The following GABRG1 variants were observed in gnomAD, a reference collection of about 807,000 sequenced individuals.
GABRG1 encodes gamma-aminobutyric acid type A receptor subunit gamma1, also known as gamma-aminobutyric acid receptor subunit gamma-1.
GABRG1 carries 49 observed loss-of-function variants against 49.8 expected under a neutral mutation model. The observed-to-expected ratio is 0.98, with a 90% CI of 0.78 to 1.25. GABRG1 has a LOEUF of 1.25. Among genes scored for constraint, GABRG1 ranks in the 50% most tolerant of loss-of-function variants. The pLI is 0.00. For synonymous variants in GABRG1, 232 were observed against 185.1 expected, an observed-to-expected ratio of 1.25 and a Z score of -2.06; for missense variants, 552 against 552.3, an observed-to-expected ratio of 1.00 and a Z score of 0.01.
chr4:46,049,307 T>A (rs1718124710), intron 8 of GABRG1, among the ~76,000 whole-genome samples: 1 of 151,852 alleles, frequency 6.6e-6, no homozygotes, highest in South Asian at 2.1e-4. Flanking sequence ...ACATTCTGAT[T>A]TACCTGATTA....
intron 5 of GABRG1, among the ~76,000 whole-genome samples, chr4:46,062,709 GA>G (rs1221563999): frequency 1.3e-5 from 2 of 152,006 alleles, no homozygotes; most frequent in African/African-American, 4.8e-5. Flanking sequence ...ATTCAATTAG[GA>G]AAAGAGGAAG....
chr4:46,065,704 G>A (rs569958963), intron 3 of GABRG1, 120 bp from the exon 4 acceptor site: 4 of 600,316 alleles, frequency 6.7e-6, no homozygotes, highest in African/African-American at 1.9e-5. Context: ...CAGTCTTTTC[G>A]GAGGAAAAAA....
At chr4:46,121,471 A>G (rs1721087931) in intron 1 of GABRG1, among the ~76,000 whole-genome samples, 1 of 151,986 alleles carries the variant, frequency 6.6e-6, no homozygotes, top group Non-Finnish European at 1.5e-5. Flanking sequence ...TTTTTTAGCA[A>G]AAGCATGCTT....
chr4:46,086,530 G>T (rs13123495), intron 2 of GABRG1, among the ~76,000 whole-genome samples: 79,277 of 151,120 alleles, frequency 0.52, 21,117 homozygotes, highest in African/African-American at 0.56. Context: ...ATTAATTTAG[G>T]TCAATTAAAA....
intron 8 of GABRG1, among the ~76,000 whole-genome samples, chr4:46,047,335 G>T (rs1718043570): frequency 6.6e-6 from 1 of 152,084 alleles, no homozygotes; most frequent in South Asian, 2.1e-4. Context: ...TTTCTAATTT[G>T]TTATCTTGAA....
At chr4:46,102,979 G>A (rs1202759752) in intron 1 of GABRG1, among the ~76,000 whole-genome samples, 1 of 151,150 alleles carries the variant, frequency 6.6e-6, no homozygotes, top group African/African-American at 2.4e-5. Context: ...GGTTTGCCAA[G>A]GAAAATCTTG....
chr4:46,102,036 A>T (rs1577665231), intron 1 of GABRG1, among the ~76,000 whole-genome samples: 1 of 151,842 alleles, frequency 6.6e-6, no homozygotes, highest in Admixed American at 6.6e-5. Context: ...AATGAAAAGG[A>T]GTGAATTCGA....
chr4:46,118,902 C>T (rs1721014247), intron 1 of GABRG1, among the ~76,000 whole-genome samples: 1 of 151,280 alleles, frequency 6.6e-6, no homozygotes, highest in Non-Finnish European at 1.5e-5. Context: ...CTATCCATTA[C>T]CATGTTAGAT....
chr4:46,040,251 A>G lies in GABRG1; in HGVS notation c.*737T>C, dbSNP rs1717715333. 6.6e-6 allele frequency: 1 copy of G among 152,118 alleles called. No homozygotes were observed. The highest frequency in any genetic ancestry group is 2.1e-4 in the South Asian group (1 of 4,830). 9.4% of individuals were successfully genotyped at this position (152,118 alleles called of 1,614,324 possible). A position where few individuals can be genotyped will look rare whatever the true frequency, so the allele number is the denominator to read the frequency against. ...TAAATGCTATGAAGCAGAGAATAAAATGGTTAGATTTTACCTGATTTTTTC... is the reference window on the plus strand; with the variant it reads ...TAAATGCTATGAAGCAGAGAATAAAGTGGTTAGATTTTACCTGATTTTTTC... On this transcript the variant is annotated 3_prime_UTR_variant, in exon 9 of 9. Transcript: ENST00000295452.
intron 7 of GABRG1, among the ~76,000 whole-genome samples, chr4:46,052,694 C>T (rs528800438): frequency 4.6e-5 from 7 of 151,930 alleles, no homozygotes; most frequent in African/African-American, 1.2e-4. Context: ...GCCCCATGAG[C>T]GGAATTGTTT....
At chr4:46,044,019 GATT>G (rs1210284725) in intron 8 of GABRG1, among the ~76,000 whole-genome samples, 2 of 151,956 alleles carry the variant, frequency 1.3e-5, no homozygotes, top group African/African-American at 4.8e-5. Context: ...ATTATTTGAT[GATT>G]ATATTATTAT....
chr4:46,080,097 G>A (rs373456823), intron 3 of GABRG1, among the ~76,000 whole-genome samples: 97 of 151,508 alleles, frequency 6.4e-4, no homozygotes, highest in African/African-American at 2.1e-3. Flanking sequence ...GAATAATGTC[G>A]TTTTAGGCAT....
intron 2 of GABRG1, among the ~76,000 whole-genome samples, chr4:46,092,942 G>A (rs1720039637): frequency 6.6e-6 from 1 of 151,520 alleles, no homozygotes; most frequent in African/African-American, 2.4e-5. Context: ...GGTGGCGCAT[G>A]CCTATAATCC....
intron 2 of GABRG1, among the ~76,000 whole-genome samples, chr4:46,093,176 A>G (rs1720049931): frequency 6.6e-6 from 1 of 152,012 alleles, no homozygotes; most frequent in South Asian, 2.1e-4. Flanking sequence ...CAGACCAGAA[A>G]GATTGTTTCC....
intron 3 of GABRG1, among the ~76,000 whole-genome samples, chr4:46,082,775 C>T (rs936922585): frequency 3.3e-5 from 5 of 151,770 alleles, no homozygotes; most frequent in African/African-American, 1.2e-4. Flanking sequence ...GGTTTTGCTC[C>T]TACCCTTCTG....
At position 46,058,296 on chromosome 4, in the gene GABRG1, A is replaced by G. The variant is rs372346061; in HGVS notation, c.837T>C (p.Ile279=). 1.2e-6 allele frequency: 2 copies of G among 1,613,150 alleles called. No individual in the cohort carries two copies. Among genetic ancestry groups the G allele is most frequent in the Non-Finnish European group, 8.5e-7 (1 of 1,179,436 alleles). Residue 279 remains isoleucine, a synonymous_variant, in exon 7 of 9, where the codon ATT becomes ATC. Transcript: ENST00000295452. ...AAAGAACAACTGTCAGAATGCATGG[A>G]ATGTAGGTCTGAATAGTGAAATATC... The part of the protein sequence containing the change: ...RMGYFTIQTY[I]PCILTVVLSW...
At chr4:46,063,782 C>T (rs889564416) in intron 5 of GABRG1, among the ~76,000 whole-genome samples, 3 of 152,118 alleles carry the variant, frequency 2.0e-5, no homozygotes, top group African/African-American at 7.2e-5. Context: ...ACCTACTTAT[C>T]TGACAAAGGG....
chr4:46,093,253 A>G (rs1720056215), intron 2 of GABRG1, among the ~76,000 whole-genome samples: 1 of 152,016 alleles, frequency 6.6e-6, no homozygotes, highest in Non-Finnish European at 1.5e-5. Flanking sequence ...TATGTATACA[A>G]TTGAGTACCA....
intron 1 of GABRG1, among the ~76,000 whole-genome samples, chr4:46,117,447 A>G (rs1484199467): frequency 2.0e-5 from 3 of 149,858 alleles, no homozygotes; most frequent in African/African-American, 7.3e-5. Context: ...ATCTTACACA[A>G]CCAGAGTAAA....
Sources: gnomAD v4.1 joint callset for allele counts (sites outside exome capture counted in the v4.1 genomes callset) on GRCh38, gnomAD v4.1.1 for gene constraint, MANE v1.5 for transcripts, NCBI Gene and HGNC (gene_info 2026-07-23, HGNC 2026-07-21) for gene names.